The following TMEM26 variants were observed in gnomAD, a reference collection of about 807,000 sequenced individuals.
TMEM26 encodes transmembrane protein 26.
In TMEM26, 38 loss-of-function variants were observed where a neutral mutation model predicts 28.8. The ratio of observed to expected loss-of-function variants is 1.32; its 90% CI spans 1.02 to 1.73. The LOEUF is 1.73. Among genes scored for constraint, TMEM26 ranks in the 40% most tolerant of loss-of-function variants. The pLI is 0.00. For synonymous variants in TMEM26, 227 were observed against 182.9 expected (o/e 1.24, Z -1.95); for missense variants, 518 against 447.1 (o/e 1.16, Z -1.43).
At chr10:61,426,185 C>T (rs1188462941) in intron 4 of TMEM26, among the ~76,000 whole-genome samples, 1 of 151,946 alleles carries the variant, frequency 6.6e-6, no homozygotes, top group Non-Finnish European at 1.5e-5. Flanking sequence ...TAAAAGAGCA[C>T]ACATTTTATA....
chr10:61,437,901 C>G (rs78606247), intron 1 of TMEM26, among the ~76,000 whole-genome samples: 1 of 152,054 alleles, frequency 6.6e-6, no homozygotes. Context: ...GCTTTTAATA[C>G]GCAGCAATAG....
At position 61,434,566 on chromosome 10, in the gene TMEM26, T is replaced by C. The variant is rs1369527024; in HGVS notation, c.270+1604A>G. Among the ~76,000 whole-genome samples the C allele has an allele frequency of 2.0e-5, 3 of 152,328 alleles. No homozygotes were observed. The East Asian group carries it at 5.8e-4, about 29-fold the overall frequency. Reference sequence around the variant, plus strand: ...TAGTAAAGAGATTGAAACAGTCCCCTAACTCCTTCCAGTATAGTTTTAAAA... The same window carrying C: ...TAGTAAAGAGATTGAAACAGTCCCCCAACTCCTTCCAGTATAGTTTTAAAA... On this transcript the variant is annotated intron_variant, in intron 2 of 5. Transcript: ENST00000399298.
chr10:61,419,415 T>A (rs1181273911), intron 4 of TMEM26, among the ~76,000 whole-genome samples: 1 of 152,092 alleles, frequency 6.6e-6, no homozygotes, highest in Non-Finnish European at 1.5e-5. Flanking sequence ...AAACTAAGTT[T>A]GATTGGTTAA....
In TMEM26 at chr10:61,453,096, T is replaced by C; in HGVS notation, c.-15A>G. 3 of 1,607,820 alleles carry C rather than the reference T, an allele frequency of 1.9e-6. No homozygotes were observed. The highest frequency in any genetic ancestry group is 2.5e-6 in the Non-Finnish European group (3 of 1,176,884). On this transcript the variant is annotated 5_prime_UTR_variant, in exon 1 of 6. Coordinates refer to ENST00000399298, the MANE Select transcript of TMEM26 (RefSeq NM_178505.8). ...AGTCCCTCCATGCTGGCCGGAGCAC[T>C]CTGCCTACGTCCCCTTGCCTGCGCC...
intron 1 of TMEM26, among the ~76,000 whole-genome samples, chr10:61,446,722 G>A (rs1435067365): frequency 6.9e-6 from 1 of 144,562 alleles, no homozygotes; most frequent in Non-Finnish European, 1.5e-5. Context: ...AGCAGGCCAA[G>A]GCAGGGGAAT....
In TMEM26 at chr10:61,408,823, G is replaced by A. The variant is rs570549398; in HGVS notation, c.*1499C>T. The A allele has an allele frequency of 3.9e-5, 6 of 152,292 alleles. No homozygotes were observed. Among genetic ancestry groups the A allele is most frequent in the Non-Finnish European group, 7.4e-5 (5 of 68,010 alleles). 9.4% of individuals were successfully genotyped at this position (152,292 alleles called of 1,614,324 possible). ...AAAAACATATAACAATGGCACTGAA[G>A]AAGCCATTTATGAGAAAATATGCAT... On this transcript the variant is annotated 3_prime_UTR_variant, in exon 6 of 6. Coordinates refer to ENST00000399298, the MANE Select transcript of TMEM26 (RefSeq NM_178505.8).
At chr10:61,426,200 A>C (rs1589032590) in intron 4 of TMEM26, among the ~76,000 whole-genome samples, 1 of 152,144 alleles carries the variant, frequency 6.6e-6, no homozygotes, top group East Asian at 1.9e-4. Flanking sequence ...TTTATAATTC[A>C]AATTCCATGA....
chr10:61,453,137 G>T lies in TMEM26; in HGVS notation c.-56C>A. 1 of 1,568,946 alleles carries T rather than the reference G, an allele frequency of 6.4e-7. No individual in the cohort carries two copies. The highest frequency in any genetic ancestry group is 8.7e-7 in the Non-Finnish European group (1 of 1,153,316). Reference sequence around the variant, plus strand: ...TGCCTGCGCCCCCAGGACCCTGCCGGGCGTGCCCGGAGCCCACCGGTGAGC... The same window carrying T: ...TGCCTGCGCCCCCAGGACCCTGCCGTGCGTGCCCGGAGCCCACCGGTGAGC... On this transcript the variant is annotated 5_prime_UTR_variant, in exon 1 of 6. Coordinates refer to ENST00000399298, the MANE Select transcript of TMEM26 (RefSeq NM_178505.8).
Position 61,453,362 on chromosome 10 carries a change from G to T in TMEM26, c.-281C>A, listed in dbSNP as rs1010251261. 1.7e-5 allele frequency: 6 copies of T among 361,564 alleles called. No individual in the cohort carries two copies. Among genetic ancestry groups the T allele is most frequent in the African/African-American group, 1.2e-4 (6 of 49,480 alleles). The allele number at this position is 361,564 out of a possible 1,614,324, so 22.4% of individuals were successfully genotyped here. A position where few individuals can be genotyped will look rare whatever the true frequency, so the allele number is the denominator to read the frequency against. ...CTGGGGCTGCGCTGCCCTGTCTCCA[G>T]GGCGTTATTCTCCAGCGCTGCCCAT... On this transcript the variant is annotated 5_prime_UTR_variant, in exon 1 of 6. In the 5' UTR this introduces an upstream ATG that the reference lacks. Transcript: ENST00000399298.
chr10:61,422,515 C>T (rs557819990), intron 4 of TMEM26, among the ~76,000 whole-genome samples: 1 of 151,918 alleles, frequency 6.6e-6, no homozygotes, highest in Non-Finnish European at 1.5e-5. Context: ...TAAAAGATCC[C>T]TATATATTCA....
At chr10:61,416,654 T>TAA (rs1839657362) in intron 4 of TMEM26, among the ~76,000 whole-genome samples, 1 of 152,006 alleles carries the variant, frequency 6.6e-6, no homozygotes, top group African/African-American at 2.4e-5. Flanking sequence ...AAAATTGGGA[T>TAA]AATAAAAAAA....
chr10:61,428,171 T>C (rs564753473), intron 4 of TMEM26, among the ~76,000 whole-genome samples: 4 of 152,104 alleles, frequency 2.6e-5, no homozygotes, highest in Non-Finnish European at 5.9e-5. Context: ...GCCAGACTCA[T>C]TCCAATTTAT....
At chr10:61,451,015 A>G (rs1235155391) in intron 1 of TMEM26, among the ~76,000 whole-genome samples, 1 of 152,230 alleles carries the variant, frequency 6.6e-6, no homozygotes, top group African/African-American at 2.4e-5. Flanking sequence ...TAAGAAATTG[A>G]GGCTGAGACA....
At chr10:61,439,130 T>C (rs1170404359) in intron 1 of TMEM26, among the ~76,000 whole-genome samples, 1 of 152,242 alleles carries the variant, frequency 6.6e-6, no homozygotes, top group Non-Finnish European at 1.5e-5. Flanking sequence ...AAGCTTATTT[T>C]GGAATGTTCT....
rs568108906 is a variant in TMEM26, at chr10:61,441,606, T to G, written c.192-5358A>C. Among the ~76,000 whole-genome samples the G allele has an allele frequency of 2.6e-5, 4 of 152,310 alleles. No homozygotes were observed. In the South Asian group the frequency reaches 8.3e-4, roughly 32 times the overall value. ...AATACCATGGAAAGATCTGGCCAAC[T>G]AACAAATCATTTATATCACGTTTCT... On this transcript the variant is annotated intron_variant, in intron 1 of 5. Coordinates refer to ENST00000399298, the MANE Select transcript of TMEM26 (RefSeq NM_178505.8).
At position 61,436,325 on chromosome 10, in the gene TMEM26, GA is replaced by G. The variant is rs926108409; in HGVS notation, c.192-78del. 514 of 876,070 alleles carry G rather than the reference GA, an allele frequency of 5.9e-4. 1 individual carries two copies. The highest frequency in any genetic ancestry group is 1.1e-3 in the Admixed American group (38 of 35,878). 54.3% of individuals were successfully genotyped at this position (876,070 alleles called of 1,614,324 possible). On this transcript the variant is annotated intron_variant, in intron 1 of 5. Coordinates refer to ENST00000399298, the MANE Select transcript of TMEM26 (RefSeq NM_178505.8). ...AAAAAAAAAAATTAAGAGGAAGAAT[GA>G]AAAAAAAATGCACATACTCCGACCA...
In TMEM26 at chr10:61,408,488, C is replaced by CA. The variant is rs1425786443; in HGVS notation, c.*1833dup. 1 of 152,096 alleles carries CA rather than the reference C, an allele frequency of 6.6e-6. No homozygotes were observed. The highest frequency in any genetic ancestry group is 1.5e-5 in the Non-Finnish European group (1 of 68,020). 9.4% of individuals were successfully genotyped at this position (152,096 alleles called of 1,614,324 possible). On this transcript the variant is annotated 3_prime_UTR_variant, in exon 6 of 6. Transcript: ENST00000399298. Reference sequence around the variant, plus strand: ...TAAAACATGAAAAGTATGCCATGAGCAAATCTGCAATAATAAGCAGCACAT... The same window carrying CA: ...TAAAACATGAAAAGTATGCCATGAGCAAAATCTGCAATAATAAGCAGCACAT...
chr10:61,421,093 G>A (rs926929487), intron 4 of TMEM26, among the ~76,000 whole-genome samples: 1 of 151,984 alleles, frequency 6.6e-6, no homozygotes, highest in Admixed American at 6.6e-5. Flanking sequence ...TGACCAAATG[G>A]AGCCATATTG....
In TMEM26 at chr10:61,428,978, C is replaced by A; in HGVS notation, c.553G>T (p.Ala185Ser). The change falls in exon 4 of 6, where the codon GCG becomes TCG. Residue 185 changes from alanine to serine, a missense_variant. Transcript: ENST00000399298. ...CTTGTGAATTCCAGTATGTCAGCCGCTGTCCCCACAAACATAAGAAGAAGT... is the reference window on the plus strand; with the variant it reads ...CTTGTGAATTCCAGTATGTCAGCCGATGTCCCCACAAACATAAGAAGAAGT... ...SQLLLMFVGT[A>S]ADILEFTSET... 6.2e-7 allele frequency: 1 copy of A among 1,613,114 alleles called. No individual in the cohort carries two copies.
Sources: allele counts gnomAD v4.1 joint callset (sites outside exome capture counted in the v4.1 genomes callset), GRCh38; gene constraint gnomAD v4.1.1; transcripts MANE v1.5; gene names NCBI Gene and HGNC (gene_info 2026-07-23, HGNC 2026-07-21).